The following SCN10A variants were observed in gnomAD, a reference collection of about 807,000 sequenced individuals.
SCN10A encodes sodium voltage-gated channel alpha subunit 10, also known as sodium channel protein type 10 subunit alpha.
SCN10A carries 162 observed loss-of-function variants against 170.7 expected under a neutral mutation model. The ratio of observed to expected loss-of-function variants is 0.95; its 90% CI spans 0.84 to 1.08. SCN10A has a LOEUF of 1.08. SCN10A is among the 50% of genes least tolerant of loss of function. The probability of loss-of-function intolerance (pLI) is 0.00; values close to 1 mark genes in which losing one functional copy is unlikely to be tolerated. For synonymous variants in SCN10A, 985 were observed against 904.6 expected (o/e 1.09, Z -1.59); for missense variants, 2,527 against 2,436.9 (o/e 1.04, Z -0.78).
Position 38,713,987 on chromosome 3 carries a change from G to C in SCN10A, c.3775C>G (p.Arg1259Gly), listed in dbSNP as rs765230695. Residue 1259 changes from arginine (R) to glycine (G), a missense_variant, in exon 22 of 28, where the codon CGG becomes GGG. Transcript: ENST00000449082. ...LRTLRALRPL[R>G]ALSRFEGMRV... ...ATGCCTTCAAATCGAGAAAGAGCCC[G>C]CAGTGGCCGCAGAGCGCGAAGGGTT... The C allele has an allele frequency of 6.2e-7, 1 of 1,613,900 alleles. No individual in the cohort carries two copies. The highest frequency in any genetic ancestry group is 1.7e-5 in the Admixed American group (1 of 60,034).
chr3:38,813,043 A>G (rs2064450723), intron 1 of SCN10A, among the ~76,000 whole-genome samples: 1 of 152,154 alleles, frequency 6.6e-6, no homozygotes, highest in Non-Finnish European at 1.5e-5. Context: ...AAATAAATAA[A>G]TAAATAAATA....
At chr3:38,710,734 G>T (rs2063264441) in intron 24 of SCN10A, 110 bp downstream of exon 24, 1 of 1,034,408 alleles carries the variant, frequency 9.7e-7, no homozygotes, top group Non-Finnish European at 1.5e-6. Context: ...AGGTTGCTGG[G>T]TGATCGCCTC....
chr3:38,758,661 G>T (rs574785603), intron 8 of SCN10A, among the ~76,000 whole-genome samples: 1 of 152,280 alleles, frequency 6.6e-6, no homozygotes, highest in African/African-American at 2.4e-5. Flanking sequence ...CTTCTCTGCA[G>T]CCCCACAGAG....
chr3:38,697,771 C>T lies in SCN10A; in HGVS notation c.5449G>A (p.Glu1817Lys). The stretch of plus-strand genomic sequence containing the variant: ...ATATTTGCCTTCAGAGAATCCAACT[C>T]CCCGGATTCTCCTAGGACATTCTTG... ...FTKNVLGESG[E>K]LDSLKANMEE... The change falls in exon 28 of 28, where the codon GAG (glutamate) becomes AAG (lysine). Residue 1817 changes from glutamate to lysine, a missense_variant. Coordinates refer to ENST00000449082, the MANE Select transcript of SCN10A (RefSeq NM_006514.4). 1 of 1,614,116 alleles carries T rather than the reference C, an allele frequency of 6.2e-7. No individual in the cohort carries two copies. The highest frequency in any genetic ancestry group is 1.1e-5 in the South Asian group (1 of 91,068).
chr3:38,735,352 A>C (rs770384951), intron 15 of SCN10A, among the ~76,000 whole-genome samples: 6 of 152,208 alleles, frequency 3.9e-5, no homozygotes, highest in Non-Finnish European at 8.8e-5. Context: ...AGAAAAGAAC[A>C]TTTAAGAAGA....
intron 18 of SCN10A, 146 bp from the exon 19 acceptor site, chr3:38,723,699 A>C: frequency 9.5e-7 from 1 of 1,052,324 alleles, no homozygotes; most frequent in East Asian, 2.6e-5. Context: ...GGAGCCCCAG[A>C]GGCTTAGCTG....
rs534034285 is a variant in SCN10A, at chr3:38,760,423, T to A, written c.950+258A>T. Among the ~76,000 whole-genome samples, 6 of 152,372 alleles carry A rather than the reference T, an allele frequency of 3.9e-5. No individual in the cohort carries two copies. In the South Asian group the frequency reaches 1.0e-3, roughly 26 times the overall value. On this transcript the variant is annotated intron_variant, in intron 8 of 27. Coordinates refer to ENST00000449082, the MANE Select transcript of SCN10A (RefSeq NM_006514.4). ...TCACCCAATGCCCATCTGATCCCAG[T>A]CCAAAATGCTGATGCACAGAATCAT...
chr3:38,748,277 T>C (rs2063713145), intron 13 of SCN10A, among the ~76,000 whole-genome samples: 2 of 152,200 alleles, frequency 1.3e-5, no homozygotes, highest in South Asian at 4.1e-4. Flanking sequence ...GTACAGACTC[T>C]ATTACAATGA....
At chr3:38,762,076 A>G (rs2063880951) in intron 6 of SCN10A, among the ~76,000 whole-genome samples, 1 of 152,212 alleles carries the variant, frequency 6.6e-6, no homozygotes, top group Non-Finnish European at 1.5e-5. Context: ...TTAAGGAGGG[A>G]TGATTTGTTG....
chr3:38,709,227 G>T (rs907679480), intron 25 of SCN10A, among the ~76,000 whole-genome samples: 1 of 152,166 alleles, frequency 6.6e-6, no homozygotes, highest in African/African-American at 2.4e-5. Flanking sequence ...TAACACACCT[G>T]GTTCCAGTTG....
At chr3:38,747,988 T>G (rs1435784501) in intron 13 of SCN10A, among the ~76,000 whole-genome samples, 1 of 152,122 alleles carries the variant, frequency 6.6e-6, no homozygotes, top group Non-Finnish European at 1.5e-5. Context: ...AGTTCACCAC[T>G]GAATCCCAGC....
At chr3:38,716,605 C>T (rs2063336550) in intron 21 of SCN10A, among the ~76,000 whole-genome samples, 1 of 151,936 alleles carries the variant, frequency 6.6e-6, no homozygotes, top group Middle Eastern at 3.2e-3. Flanking sequence ...TAGACTAATA[C>T]AAATATATAC....
At chr3:38,735,295 T>C (rs746333565) in intron 15 of SCN10A, among the ~76,000 whole-genome samples, 21 of 152,132 alleles carry the variant, frequency 1.4e-4, no homozygotes, top group Non-Finnish European at 2.5e-4. Context: ...TAAGAGACAT[T>C]TCTAGATACA....
intron 13 of SCN10A, among the ~76,000 whole-genome samples, chr3:38,748,111 A>G (rs2063711099): frequency 6.6e-6 from 1 of 152,202 alleles, no homozygotes; most frequent in South Asian, 2.1e-4. Context: ...ATAAATGAAA[A>G]AAACAAACTG....
intron 20 of SCN10A, among the ~76,000 whole-genome samples, chr3:38,721,044 G>A (rs1051865139): frequency 5.3e-5 from 8 of 152,232 alleles, no homozygotes; most frequent in African/African-American, 1.9e-4. Flanking sequence ...TCCCTGCCCC[G>A]AAACTCTCTT....
intron 15 of SCN10A, among the ~76,000 whole-genome samples, chr3:38,737,114 G>A (rs1440031775): frequency 6.7e-6 from 1 of 149,896 alleles, no homozygotes; most frequent in Non-Finnish European, 1.5e-5. Flanking sequence ...GGGACTACAG[G>A]CGCCCGCCAC....
chr3:38,698,317 C>A lies in SCN10A; in HGVS notation c.4903G>T (p.Glu1635Ter), dbSNP rs1345484480. ...GMSSFPHVRWEAGIDDMFNFQ... is the reference protein window; with the variant it reads ...GMSSFPHVRW ...TTGAACATGTCGTCGATGCCAGCCT[C>A]CCACCTCACATGGGGAAAGCTGGAC... The change falls in exon 28 of 28, where the codon GAG (glutamate) becomes TAG (stop). Residue 1635 changes from glutamate to a stop codon, truncating the protein, a stop_gained. Transcript: ENST00000449082. LOFTEE classifies it high-confidence loss of function. 6.2e-7 allele frequency: 1 copy of A among 1,613,980 alleles called. No homozygotes were observed. The highest frequency in any genetic ancestry group is 1.3e-5 in the African/African-American group (1 of 75,026).
intron 4 of SCN10A, among the ~76,000 whole-genome samples, chr3:38,772,928 G>T (rs920511202): frequency 6.6e-6 from 1 of 152,104 alleles, no homozygotes; most frequent in African/African-American, 2.4e-5. Context: ...AATCTCACAG[G>T]AAGTGGAACA....
intron 2 of SCN10A, among the ~76,000 whole-genome samples, chr3:38,793,522 G>A (rs898816277): frequency 2.6e-5 from 4 of 152,128 alleles, no homozygotes; most frequent in African/African-American, 9.7e-5. Context: ...ATCTGCTTTT[G>A]AAGATGTGGG....
Sources: allele counts gnomAD v4.1 joint callset (sites outside exome capture counted in the v4.1 genomes callset), GRCh38; gene constraint gnomAD v4.1.1; transcripts MANE v1.5; gene names NCBI Gene and HGNC (gene_info 2026-07-23, HGNC 2026-07-21).